The following RNF32 variants were observed in gnomAD, a reference collection of about 807,000 sequenced individuals.
RNF32 encodes ring finger protein 32.
In RNF32, 36 loss-of-function variants were observed where a neutral mutation model predicts 41.0. That is an observed-to-expected ratio of 0.88 (90% CI 0.67 to 1.16). RNF32 has a LOEUF of 1.16. Ranked by LOEUF, RNF32 falls within the 50% of genes most tolerant of loss-of-function variation. RNF32 has a pLI of 0.00. For synonymous variants in RNF32, 154 were observed against 160.9 expected (o/e 0.96, Z 0.32); for missense variants, 413 against 436.7 (o/e 0.95, Z 0.48).
In RNF32 at chr7:156,670,348, G is replaced by A. The variant is rs929451584; in HGVS notation, c.685-5348G>A. Among the ~76,000 whole-genome samples, 2 of 152,192 alleles carry A rather than the reference G, an allele frequency of 1.3e-5. No individual in the cohort carries two copies. The highest frequency in any genetic ancestry group is 2.9e-5 in the Non-Finnish European group (2 of 68,038). ...CTGAGGAGTCAGGTCTGCAAGGGGG[G>A]CCCTGCGTTTTGCATCCCCTGGAAA... is the stretch of plus-strand genomic sequence containing the variant. On this transcript the variant is annotated intron_variant, in intron 7 of 8. Transcript: ENST00000317955. This position sits in a 1 kb window ranked among gnomAD's most constrained non-coding sequence, Gnocchi z 4.3.
chr7:156,640,511 T>C, upstream of RNF32: 1 of 357,236 alleles, frequency 2.8e-6, no homozygotes, highest in South Asian at 2.1e-5. Context: ...AAACGCCCGC[T>C]GCGCGAGCCT....
intron 2 of RNF32, 21 bp from the exon 3 acceptor site, chr7:156,644,478 G>T: frequency 6.3e-7 from 1 of 1,584,490 alleles, no homozygotes; most frequent in South Asian, 1.1e-5. Context: ...CTCTAAATAT[G>T]ACTTTTTTCC....
intron 1 of RNF32, among the ~76,000 whole-genome samples, chr7:156,641,903 G>A (rs940247038): frequency 6.6e-6 from 1 of 152,180 alleles, no homozygotes; most frequent in African/African-American, 2.4e-5. Flanking sequence ...AACGGGAACA[G>A]AAAAGGGCTG....
chr7:156,654,545 C>CTT, intron 3 of RNF32, 31 bp from the exon 4 acceptor site: 1 of 1,578,774 alleles, frequency 6.3e-7, no homozygotes. Context: ...AAAAGACACT[C>CTT]TAACTCCTGT....
intron 1 of RNF32, among the ~76,000 whole-genome samples, chr7:156,642,031 CTTAG>C (rs1445813755): frequency 6.6e-6 from 1 of 152,186 alleles, no homozygotes; most frequent in Non-Finnish European, 1.5e-5. Flanking sequence ...CCACTCACGC[CTTAG>C]TGAGTTTGTT....
At chr7:156,675,979 G>A in intron 8 of RNF32, 116 bp downstream of exon 8, 1 of 1,093,918 alleles carries the variant, frequency 9.1e-7, no homozygotes, top group South Asian at 1.5e-5. Context: ...GGAGTGTCAG[G>A]CCCGGGGTGC....
chr7:156,660,556 C>G (rs145293504), intron 7 of RNF32, among the ~76,000 whole-genome samples: 93 of 152,142 alleles, frequency 6.1e-4, no homozygotes, highest in African/African-American at 2.0e-3. Context: ...GTTATATTGC[C>G]CAGGCTGGCC....
Position 156,670,497 on chromosome 7 carries a change from T to C in RNF32, c.685-5199T>C, listed in dbSNP as rs1011000777. Among the ~76,000 whole-genome samples the C allele has an allele frequency of 2.0e-5, 3 of 152,180 alleles. No homozygotes were observed. Among genetic ancestry groups the C allele is most frequent in the Non-Finnish European group, 4.4e-5 (3 of 68,036 alleles). On this transcript the variant is annotated intron_variant, in intron 7 of 8. Coordinates refer to ENST00000317955, the MANE Select transcript of RNF32 (RefSeq NM_030936.4). This position sits in a 1 kb window ranked among gnomAD's most constrained non-coding sequence, Gnocchi z 4.3. ...GCTTGAAGCAACAAAGGCTAAGAATTTTCCAGATCTGAAGAAGATACAAGC... is the reference window on the plus strand; with the variant it reads ...GCTTGAAGCAACAAAGGCTAAGAATCTTCCAGATCTGAAGAAGATACAAGC...
intron 7 of RNF32, chr7:156,659,126 C>T (rs766204793): frequency 3.0e-6 from 4 of 1,344,904 alleles, no homozygotes; most frequent in Non-Finnish European, 2.8e-6. Flanking sequence ...ATTCCTTGTC[C>T]CCATATGAAA....
Position 156,657,530 on chromosome 7 carries a change from C to T in RNF32, c.418-11C>T. 6.2e-7 allele frequency: 1 copy of T among 1,614,080 alleles called. No homozygotes were observed. The highest frequency in any genetic ancestry group is 8.5e-7 in the Non-Finnish European group (1 of 1,179,918). ...GTAAACTTCAACGTCGTTCTGTTTC[C>T]TCATGAACAGGTGCTGCTTTCATGC... On this transcript the variant is annotated splice_polypyrimidine_tract_variant and intron_variant, in intron 4 of 8. Transcript: ENST00000317955.
chr7:156,658,755 A>C (rs1800136555), intron 7 of RNF32, 185 bp downstream of exon 7: 1 of 850,348 alleles, frequency 1.2e-6, no homozygotes, highest in African/African-American at 1.7e-5. Flanking sequence ...TAGATGTTCA[A>C]ATACTTCTAG....
At chr7:156,674,120 T>C (rs762771462) in intron 7 of RNF32, among the ~76,000 whole-genome samples, 28 of 152,226 alleles carry the variant, frequency 1.8e-4, no homozygotes, top group Non-Finnish European at 3.2e-4. Context: ...TTCTCACTGC[T>C]GGACAAATAA....
At chr7:156,653,475 C>T (rs1021879062) in intron 3 of RNF32, among the ~76,000 whole-genome samples, 3 of 152,302 alleles carry the variant, frequency 2.0e-5, no homozygotes, top group South Asian at 2.1e-4. Flanking sequence ...TTTCAGTGGA[C>T]GTTCACATTT....
chr7:156,660,240 G>C, intron 7 of RNF32: 1 of 985,454 alleles, frequency 1.0e-6, no homozygotes, highest in Non-Finnish European at 1.2e-6. Context: ...GTTTTTCAAA[G>C]CCTAGCTGAA....
chr7:156,642,294 C>G (rs1343261006), intron 1 of RNF32, among the ~76,000 whole-genome samples: 1 of 152,150 alleles, frequency 6.6e-6, no homozygotes, highest in African/African-American at 2.4e-5. Flanking sequence ...CGCCAAACTT[C>G]TAAATAAAGA....
chr7:156,647,358 G>A (rs147758351), intron 3 of RNF32, among the ~76,000 whole-genome samples: 62 of 144,498 alleles, frequency 4.3e-4, no homozygotes, highest in African/African-American at 1.0e-3. Context: ...CCCACCCTCC[G>A]CCTCCTGAGT....
chr7:156,661,496 T>C (rs1179581947), intron 7 of RNF32, among the ~76,000 whole-genome samples: 1 of 152,084 alleles, frequency 6.6e-6, no homozygotes, highest in Non-Finnish European at 1.5e-5. Context: ...ATTTTTGTAT[T>C]TTTTAGTAGA....
Position 156,670,710 on chromosome 7 carries a change from G to A in RNF32, c.685-4986G>A, listed in dbSNP as rs1212977307. ...GTGAGATGGCATCTCCGTGTGTCGG[G>A]AGAGACCTAACCGCCAGTCTAGACT... On this transcript the variant is annotated intron_variant, in intron 7 of 8. Transcript: ENST00000317955. The surrounding 1 kb of genome is among the most constrained non-coding windows in gnomAD (Gnocchi z 4.3). Among the ~76,000 whole-genome samples the A allele has an allele frequency of 6.6e-6, 1 of 152,158 alleles. No individual in the cohort carries two copies. Among genetic ancestry groups the A allele is most frequent in the Non-Finnish European group, 1.5e-5 (1 of 68,014 alleles).
intron 8 of RNF32, 123 bp downstream of exon 8, chr7:156,675,986 G>A (rs1457725724): frequency 4.8e-6 from 5 of 1,038,164 alleles, no homozygotes; most frequent in Non-Finnish European, 5.6e-6. Flanking sequence ...CAGGCCCGGG[G>A]TGCAGCCGTG....
Sources: allele counts gnomAD v4.1 joint callset (sites outside exome capture counted in the v4.1 genomes callset), GRCh38; gene constraint gnomAD v4.1.1; non-coding constraint Gnocchi (gnomAD v3.1); transcripts MANE v1.5; gene names NCBI Gene and HGNC (gene_info 2026-07-23, HGNC 2026-07-21).